The following LYRM4 variants were observed in gnomAD, a reference collection of about 807,000 sequenced individuals.
The protein encoded by LYRM4 is LYR motif containing 4.
LYRM4 carries 9 observed loss-of-function variants against 11.7 expected under a neutral mutation model. That is an observed-to-expected ratio of 0.77 (90% CI 0.46 to 1.34). LYRM4 has a LOEUF of 1.34. Ranked by LOEUF, LYRM4 falls within the 40% of genes most tolerant of loss-of-function variation. The probability of loss-of-function intolerance (pLI) is 0.00; values close to 1 mark genes in which losing one functional copy is unlikely to be tolerated. For missense variants in LYRM4, 133 were observed against 112.5 expected (o/e 1.18, Z -0.82); for synonymous variants, 42 against 40.4 (o/e 1.04, Z -0.15).
chr6:5,038,040 C>A, the LYRM4 span, among the ~76,000 whole-genome samples: 5 of 56,982 alleles, frequency 8.8e-5, no homozygotes, highest in African/African-American at 2.4e-4. Flanking sequence ...GGGCTCCTCA[C>A]TTCTCAGACG....
intron 1 of LYRM4, among the ~76,000 whole-genome samples, chr6:5,251,023 G>T (rs1429583591): frequency 1.3e-5 from 2 of 152,180 alleles, no homozygotes; most frequent in African/African-American, 2.4e-5. Flanking sequence ...CACTGTTCGG[G>T]CACTATTTCA....
the LYRM4 span, among the ~76,000 whole-genome samples, chr6:5,037,009 A>ATTTTTTTTT: frequency 0.051 from 1,452 of 28,636 alleles, 309 homozygotes; most frequent in African/African-American, 0.11. Flanking sequence ...TTTAGCTTGT[A>ATTTTTTTTT]TTTTTTTTTT....
chr6:5,212,819 A>G (rs1175777005), intron 2 of LYRM4, among the ~76,000 whole-genome samples: 1 of 152,230 alleles, frequency 6.6e-6, no homozygotes, highest in Admixed American at 6.5e-5. Flanking sequence ...TAAGGAAAGA[A>G]CAAGTGTATG....
chr6:5,059,052 T>A, the LYRM4 span, among the ~76,000 whole-genome samples: 1 of 152,140 alleles, frequency 6.6e-6, no homozygotes, highest in African/African-American at 2.4e-5. Flanking sequence ...TTAGAAGTCC[T>A]CTATATGGCC....
chr6:5,142,026 G>A (rs973691150), intron 2 of LYRM4, among the ~76,000 whole-genome samples: 2 of 152,108 alleles, frequency 1.3e-5, no homozygotes, highest in Non-Finnish European at 2.9e-5. Context: ...CATGTGTCGG[G>A]GGGGATGCGG....
At chr6:5,245,846 T>G (rs1054702500) in intron 1 of LYRM4, among the ~76,000 whole-genome samples, 1 of 152,138 alleles carries the variant, frequency 6.6e-6, no homozygotes, top group Non-Finnish European at 1.5e-5. Context: ...AGGGACAGCA[T>G]GAGCACCAGG....
chr6:5,047,593 C>T, the LYRM4 span, among the ~76,000 whole-genome samples: 5 of 152,196 alleles, frequency 3.3e-5, no homozygotes, highest in African/African-American at 9.6e-5. Context: ...TTATTTTAAT[C>T]CAAGATACAG....
intron 2 of LYRM4, among the ~76,000 whole-genome samples, chr6:5,190,117 C>T (rs988471984): frequency 7.9e-5 from 12 of 152,116 alleles, no homozygotes; most frequent in African/African-American, 2.9e-4. Flanking sequence ...TTCTTGGAAT[C>T]AGTTCTGAGT....
intron 2 of LYRM4, among the ~76,000 whole-genome samples, chr6:5,193,306 A>C (rs1760871458): frequency 6.6e-6 from 1 of 150,910 alleles, no homozygotes; most frequent in Admixed American, 6.6e-5. Context: ...AAAAACCAGA[A>C]AACAAAAAAA....
chr6:5,085,914 C>T, the LYRM4 span: 1 of 1,530,232 alleles, frequency 6.5e-7, no homozygotes, highest in East Asian at 2.5e-5. Flanking sequence ...TAAGCCTGGC[C>T]AGCGTGAAGC....
At chr6:5,166,250 T>C (rs1422023654) in intron 2 of LYRM4, among the ~76,000 whole-genome samples, 1 of 152,220 alleles carries the variant, frequency 6.6e-6, no homozygotes, top group Non-Finnish European at 1.5e-5. Context: ...AAGCCGTTCA[T>C]AGAAAAACTT....
Position 5,108,703 on chromosome 6 carries a change from G to T in LYRM4, c.*720C>A. ...AGGGTATGGGAGTCGCCCTGGGCTT[G>T]GGTCAGGCTGGGGCTCTCTCATTCA... On this transcript the variant is annotated 3_prime_UTR_variant, in exon 3 of 3. Coordinates refer to ENST00000330636, the MANE Select transcript of LYRM4 (RefSeq NM_020408.6). 1 of 862,434 alleles carries T rather than the reference G, an allele frequency of 1.2e-6. No individual in the cohort carries two copies. Among genetic ancestry groups the T allele is most frequent in the Non-Finnish European group, 1.4e-6 (1 of 717,206 alleles). The allele number at this position is 862,434 out of a possible 1,614,324, so 53.4% of individuals were successfully genotyped here.
chr6:5,160,072 C>G (rs1239789964), intron 2 of LYRM4, among the ~76,000 whole-genome samples: 1 of 151,322 alleles, frequency 6.6e-6, no homozygotes, highest in Non-Finnish European at 1.5e-5. Context: ...TGAGGTCTTA[C>G]TTCTCTGGAT....
chr6:5,259,599 G>A (rs894452998), intron 1 of LYRM4, among the ~76,000 whole-genome samples: 3 of 152,108 alleles, frequency 2.0e-5, no homozygotes, highest in Non-Finnish European at 2.9e-5. Flanking sequence ...CCCATCTCAG[G>A]GCCTGCCAGC....
At chr6:5,127,531 G>C (rs1210348761) in intron 2 of LYRM4, among the ~76,000 whole-genome samples, 1 of 152,180 alleles carries the variant, frequency 6.6e-6, no homozygotes, top group African/African-American at 2.4e-5. Flanking sequence ...ACATGTGGCT[G>C]TTTAGCACTT....
At chr6:5,101,588 G>A (rs896633931), downstream of LYRM4, among the ~76,000 whole-genome samples, 4 of 152,078 alleles carry the variant, frequency 2.6e-5, no homozygotes, top group Admixed American at 2.6e-4. Context: ...TGACTTTCTA[G>A]GATGTCCATA....
At chr6:5,257,183 G>A (rs2127782899) in intron 1 of LYRM4, among the ~76,000 whole-genome samples, 1 of 152,126 alleles carries the variant, frequency 6.6e-6, no homozygotes, top group African/African-American at 2.4e-5. Context: ...TAAAGTCCAG[G>A]GTCCTCAGCA....
chr6:5,260,862 C>A lies in LYRM4; in HGVS notation c.-129G>T. ...GCTGCGGCTCGGCTTTGCCAGCGGG[C>A]CGGGCCTAAGCCTAAGCGGGCAGCC... On this transcript the variant is annotated 5_prime_UTR_variant, in exon 1 of 3. Transcript: ENST00000330636. 1 of 1,483,630 alleles carries A rather than the reference C, an allele frequency of 6.7e-7. No homozygotes were observed. 91.9% of individuals were successfully genotyped at this position (1,483,630 alleles called of 1,614,324 possible).
chr6:5,083,586 T>C, the LYRM4 span, among the ~76,000 whole-genome samples: 1 of 152,218 alleles, frequency 6.6e-6, no homozygotes, highest in Non-Finnish European at 1.5e-5. Context: ...TGTGGGGCCT[T>C]GGCGATGAGA....
Sources: allele counts gnomAD v4.1 joint callset (sites outside exome capture counted in the v4.1 genomes callset), GRCh38; gene constraint gnomAD v4.1.1; transcripts MANE v1.5; gene names NCBI Gene and HGNC (gene_info 2026-07-23, HGNC 2026-07-21).